The following ANP32A variants were observed in gnomAD, a reference collection of about 807,000 sequenced individuals.
ANP32A encodes acidic leucine-rich nuclear phosphoprotein 32 family member A.
In ANP32A, 1 loss-of-function variant was observed where a neutral mutation model predicts 33.9. The ratio of observed to expected loss-of-function variants is 0.03; its 90% confidence interval spans 0.01 to 0.14. ANP32A has a LOEUF of 0.14. Among genes scored for constraint, ANP32A ranks in the 10% least tolerant of loss-of-function variants. The probability of loss-of-function intolerance (pLI) is 1.00; values close to 1 mark genes in which losing one functional copy is unlikely to be tolerated. For missense variants in ANP32A, 155 were observed against 306.0 expected (o/e 0.51, Z 3.68); for synonymous variants, 115 against 120.5 (o/e 0.95, Z 0.30).
chr15:68,816,985 T>C (rs545007575), intron 1 of ANP32A, among the ~76,000 whole-genome samples: 1 of 152,274 alleles, frequency 6.6e-6, no homozygotes, highest in East Asian at 1.9e-4. Flanking sequence ...GAAAACATCA[T>C]GCGATGTATT....
intron 1 of ANP32A, among the ~76,000 whole-genome samples, chr15:68,807,027 C>G (rs1894239275): frequency 6.6e-6 from 1 of 152,238 alleles, no homozygotes; most frequent in Non-Finnish European, 1.5e-5. Context: ...TAAAGGAGCA[C>G]TGACCAGACA....
chr15:68,816,375 T>C (rs1441805602), intron 1 of ANP32A, among the ~76,000 whole-genome samples: 1 of 152,196 alleles, frequency 6.6e-6, no homozygotes, highest in African/African-American at 2.4e-5. Context: ...TATGCCTCAA[T>C]TTCCATATGC....
At chr15:68,798,094 T>C (rs999422497) in intron 1 of ANP32A, among the ~76,000 whole-genome samples, 1 of 152,170 alleles carries the variant, frequency 6.6e-6, no homozygotes, top group African/African-American at 2.4e-5. Flanking sequence ...TGAAATCAGA[T>C]TGGGAGATTG....
At chr15:68,784,924 T>C (rs1263247111) in intron 3 of ANP32A, among the ~76,000 whole-genome samples, 1 of 152,198 alleles carries the variant, frequency 6.6e-6, no homozygotes, top group African/African-American at 2.4e-5. Context: ...GCTTTCTTGG[T>C]GCATGAGCCA....
At chr15:68,787,629 G>A (rs941352508) in intron 2 of ANP32A, 94 bp from the exon 3 acceptor site, 29 of 1,601,232 alleles carry the variant, frequency 1.8e-5, no homozygotes, top group Middle Eastern at 1.7e-4. Context: ...GGGCAAGAAG[G>A]GAAAGCAGTC....
chr15:68,808,275 G>C (rs942951273), intron 1 of ANP32A, among the ~76,000 whole-genome samples: 1 of 152,156 alleles, frequency 6.6e-6, no homozygotes, highest in East Asian at 1.9e-4. Context: ...ATTCAGTTCA[G>C]GCAGAGCCTG....
intron 1 of ANP32A, among the ~76,000 whole-genome samples, chr15:68,792,399 A>G (rs1303216262): frequency 6.6e-6 from 1 of 152,174 alleles, no homozygotes; most frequent in Non-Finnish European, 1.5e-5. Context: ...CCTCATATTC[A>G]TAAGAGAGGT....
intron 1 of ANP32A, among the ~76,000 whole-genome samples, chr15:68,795,463 A>T (rs1005896614): frequency 2.0e-5 from 3 of 152,226 alleles, no homozygotes; most frequent in African/African-American, 7.2e-5. Flanking sequence ...GCTGTCTGCC[A>T]GGGCCCCGGC....
In ANP32A at chr15:68,780,842, A is replaced by T; in HGVS notation, c.625-369T>A. 5.5e-6 allele frequency: 1 copy of T among 180,816 alleles called. No individual in the cohort carries two copies. The highest frequency in any genetic ancestry group is 1.2e-5 in the Non-Finnish European group (1 of 85,750). The allele number at this position is 180,816 out of a possible 1,614,324, so 11.2% of individuals were successfully genotyped here. On this transcript the variant is annotated intron_variant, in intron 5 of 6. Coordinates refer to ENST00000465139, the MANE Select transcript of ANP32A (RefSeq NM_006305.4). This position sits in a 1 kb window ranked among gnomAD's most constrained non-coding sequence, Gnocchi z 4.3. ...CTGAGGAGAACAAGTTCCCGAGCAG[A>T]CTCCCTGACGTGCAAAGTAGGCCAT...
At chr15:68,793,112 C>G (rs1427364933) in intron 1 of ANP32A, among the ~76,000 whole-genome samples, 1 of 152,114 alleles carries the variant, frequency 6.6e-6, no homozygotes, top group Non-Finnish European at 1.5e-5. Context: ...ATCATTTACT[C>G]GTGTATTAAG....
intron 1 of ANP32A, among the ~76,000 whole-genome samples, chr15:68,793,040 C>A (rs1353376001): frequency 1.3e-5 from 2 of 152,108 alleles, no homozygotes; most frequent in Non-Finnish European, 2.9e-5. Context: ...TTCCCCTTCC[C>A]AGGAAGCCTT....
chr15:68,794,224 C>T (rs539676089), intron 1 of ANP32A, among the ~76,000 whole-genome samples: 12 of 152,152 alleles, frequency 7.9e-5, no homozygotes, highest in East Asian at 1.9e-4. Context: ...AGAATGGAAA[C>T]GAAGGGCAGG....
chr15:68,810,913 A>T (rs1894302363), intron 1 of ANP32A, among the ~76,000 whole-genome samples: 1 of 151,988 alleles, frequency 6.6e-6, no homozygotes, highest in Non-Finnish European at 1.5e-5. Flanking sequence ...TAAAAAAGTT[A>T]TCCGGGCGTG....
chr15:68,815,310 A>C (rs1894365503), intron 1 of ANP32A, among the ~76,000 whole-genome samples: 1 of 152,250 alleles, frequency 6.6e-6, no homozygotes, highest in Admixed American at 6.5e-5. Context: ...TCAAGAGCCA[A>C]AATTAAGAAC....
At chr15:68,820,122 G>A (rs1894450848) in intron 1 of ANP32A, among the ~76,000 whole-genome samples, 1 of 152,056 alleles carries the variant, frequency 6.6e-6, no homozygotes, top group Non-Finnish European at 1.5e-5. Flanking sequence ...CTCCCCGGGG[G>A]CCTCGGCCCA....
intron 1 of ANP32A, among the ~76,000 whole-genome samples, chr15:68,788,577 G>A (rs1051161251): frequency 2.0e-5 from 3 of 152,256 alleles, no homozygotes; most frequent in African/African-American, 7.2e-5. Flanking sequence ...CTAGTCACAT[G>A]TGGCCACGGA....
Position 68,778,855 on chromosome 15 carries a change from T to C in ANP32A, c.*1226A>G, listed in dbSNP as rs749036378. The C allele has an allele frequency of 1.3e-5, 2 of 152,156 alleles. No homozygotes were observed. Among genetic ancestry groups the C allele is most frequent in the Non-Finnish European group, 2.9e-5 (2 of 68,034 alleles). The allele number at this position is 152,156 out of a possible 1,614,324, so 9.4% of individuals were successfully genotyped here. On this transcript the variant is annotated 3_prime_UTR_variant, in exon 7 of 7. Coordinates refer to ENST00000465139, the MANE Select transcript of ANP32A (RefSeq NM_006305.4). ...CACCTAGCAGTTCATCTGGAATGCA[T>C]CTTGAAAAGATCAATGGCCTGTTGG...
rs949017650 is a variant in ANP32A at position 68,783,131 on chromosome 15, T to C, written c.527-78A>G. ...CCCCCCACACAGCACAGGCCCCTTG[T>C]AGCGTCTTCAGTGTGGGGCTCATGA... On this transcript the variant is annotated intron_variant, in intron 4 of 6. Transcript: ENST00000465139. 14 of 1,536,962 alleles carry C rather than the reference T, an allele frequency of 9.1e-6. No homozygotes were observed. In the African/African-American group the frequency reaches 1.4e-4, roughly 15 times the overall value.
intron 1 of ANP32A, among the ~76,000 whole-genome samples, chr15:68,807,517 C>G (rs1180815246): frequency 6.6e-6 from 1 of 151,536 alleles, no homozygotes; most frequent in Non-Finnish European, 1.5e-5. Flanking sequence ...CTGGGGCAGG[C>G]CGAGACAGCT....
Sources: allele counts gnomAD v4.1 joint callset (sites outside exome capture counted in the v4.1 genomes callset), GRCh38; gene constraint gnomAD v4.1.1; non-coding constraint Gnocchi (gnomAD v3.1); transcripts MANE v1.5; gene names NCBI Gene and HGNC (gene_info 2026-07-23, HGNC 2026-07-21).